The following GNAQ variants were observed in gnomAD, a reference collection of about 807,000 sequenced individuals.
GNAQ encodes the protein G protein subunit alpha q.
GNAQ carries 8 observed loss-of-function variants against 43.9 expected under a neutral mutation model. The ratio of observed to expected loss-of-function variants is 0.18; its 90% CI spans 0.11 to 0.33. The LOEUF is 0.33. Ranked by LOEUF, GNAQ falls within the 10% of genes least tolerant of loss-of-function variation. The pLI is 1.00. For synonymous variants in GNAQ, 155 were observed against 170.7 expected (o/e 0.91, Z 0.71); for missense variants, 158 against 450.8 (o/e 0.35, Z 5.88).
At chr9:77,885,985 C>CA (rs1235331552) in intron 2 of GNAQ, among the ~76,000 whole-genome samples, 5 of 68,180 alleles carry the variant, frequency 7.3e-5, no homozygotes, top group Non-Finnish European at 1.5e-4. Context: ...AAGGCAGGAC[C>CA]TTTTTTTTGA....
intron 1 of GNAQ, among the ~76,000 whole-genome samples, chr9:78,019,004 G>A (rs1823872442): frequency 1.3e-5 from 2 of 152,084 alleles, no homozygotes; most frequent in Non-Finnish European, 2.9e-5. Flanking sequence ...GCATGGCCTA[G>A]AGTAGAAAGC....
chr9:77,907,173 G>A (rs1828723261), intron 2 of GNAQ, among the ~76,000 whole-genome samples: 1 of 152,126 alleles, frequency 6.6e-6, no homozygotes, highest in Non-Finnish European at 1.5e-5. Flanking sequence ...TGCTGCATAA[G>A]CTTTCCAATC....
intron 3 of GNAQ, among the ~76,000 whole-genome samples, chr9:77,801,162 A>G (rs1826737906): frequency 6.6e-6 from 1 of 152,188 alleles, no homozygotes; most frequent in Non-Finnish European, 1.5e-5. Context: ...TTAAAGAACC[A>G]GCACATGAAG....
chr9:77,806,353 C>G (rs1826829372), intron 3 of GNAQ, among the ~76,000 whole-genome samples: 1 of 152,220 alleles, frequency 6.6e-6, no homozygotes, highest in Non-Finnish European at 1.5e-5. Flanking sequence ...AGTTAATTTA[C>G]ACATATTTAT....
Position 77,988,233 on chromosome 9 carries a change from CAG to C in GNAQ, c.136+42865_136+42866del, listed in dbSNP as rs1207891727. 6.6e-5 allele frequency among the ~76,000 whole-genome samples: 10 copies of C among 152,330 alleles called. No individual in the cohort carries two copies. The East Asian group carries it at 1.9e-3, about 29-fold the overall frequency. On this transcript the variant is annotated intron_variant, in intron 1 of 6. Coordinates refer to ENST00000286548, the MANE Select transcript of GNAQ (RefSeq NM_002072.5). ...GCCCTCTAACATTTTAGCTTCAGCT[CAG>C]AGAGATAGAAGGTTCTCCACAGAGG...
chr9:78,019,637 T>C (rs1000151747), intron 1 of GNAQ, among the ~76,000 whole-genome samples: 5 of 152,152 alleles, frequency 3.3e-5, no homozygotes, highest in African/African-American at 4.8e-5. Context: ...TTTAGGAACC[T>C]TTAGGCCAGG....
At chr9:77,893,729 A>G (rs1221812722) in intron 2 of GNAQ, among the ~76,000 whole-genome samples, 1 of 152,182 alleles carries the variant, frequency 6.6e-6, no homozygotes, top group African/African-American at 2.4e-5. Context: ...AAACAGATGA[A>G]CTAGTAGGTC....
intron 2 of GNAQ, among the ~76,000 whole-genome samples, chr9:77,871,965 T>C (rs1294888970): frequency 1.3e-5 from 2 of 152,208 alleles, no homozygotes; most frequent in Non-Finnish European, 2.9e-5. Flanking sequence ...CCTAAATTAT[T>C]ATCTCATGTA....
At chr9:77,946,462 C>G (rs1822900990) in intron 1 of GNAQ, among the ~76,000 whole-genome samples, 1 of 151,990 alleles carries the variant, frequency 6.6e-6, no homozygotes, top group Admixed American at 6.6e-5. Context: ...CCAAAAACAC[C>G]CAGGCAAAGG....
chr9:77,761,044 C>T (rs1401291166), intron 5 of GNAQ, among the ~76,000 whole-genome samples: 9 of 149,470 alleles, frequency 6.0e-5, no homozygotes, highest in South Asian at 2.1e-4. Flanking sequence ...GGAGCCCCTC[C>T]GCCCGGCAGC....
At position 77,888,544 on chromosome 9, in the gene GNAQ, C is replaced by T. The variant is rs570942779; in HGVS notation, c.321+33617G>A. 2.6e-5 allele frequency among the ~76,000 whole-genome samples: 4 copies of T among 152,250 alleles called. No homozygotes were observed. The South Asian group carries it at 8.3e-4, about 32-fold the overall frequency. On this transcript the variant is annotated intron_variant, in intron 2 of 6. Coordinates refer to ENST00000286548, the MANE Select transcript of GNAQ (RefSeq NM_002072.5). The stretch of plus-strand genomic sequence containing the variant: ...TATTTAAAATGTCTACTCATTGTCG[C>T]AATCCCCTAATGCCTCAGGACAAGA...
At chr9:77,911,239 T>C (rs115795698) in intron 2 of GNAQ, among the ~76,000 whole-genome samples, 99 of 152,320 alleles carry the variant, frequency 6.5e-4, no homozygotes, top group African/African-American at 2.4e-3. Flanking sequence ...GGGAACATTA[T>C]GCAAAGACAG....
At chr9:77,858,167 G>A (rs1827790439) in intron 2 of GNAQ, among the ~76,000 whole-genome samples, 1 of 152,194 alleles carries the variant, frequency 6.6e-6, no homozygotes, top group South Asian at 2.1e-4. Context: ...CAGGGCAGGA[G>A]ATGGTTTTCA....
intron 5 of GNAQ, among the ~76,000 whole-genome samples, chr9:77,753,575 C>T (rs1188199096): frequency 7.2e-5 from 11 of 152,274 alleles, no homozygotes; most frequent in Non-Finnish European, 1.6e-4. Flanking sequence ...AAATTAGGCC[C>T]ATAAACATAT....
At chr9:77,936,438 T>C (rs1829233094) in intron 1 of GNAQ, among the ~76,000 whole-genome samples, 1 of 152,092 alleles carries the variant, frequency 6.6e-6, no homozygotes, top group Non-Finnish European at 1.5e-5. Flanking sequence ...GTTTTAGTCT[T>C]TAAAAAAACG....
chr9:77,939,397 C>T (rs1829282621), intron 1 of GNAQ, among the ~76,000 whole-genome samples: 2 of 152,174 alleles, frequency 1.3e-5, no homozygotes, highest in African/African-American at 4.8e-5. Context: ...TCAAACCTCA[C>T]TAGGAATATT....
chr9:77,926,753 A>G (rs1453184411), intron 1 of GNAQ, among the ~76,000 whole-genome samples: 2 of 152,172 alleles, frequency 1.3e-5, no homozygotes, highest in African/African-American at 4.8e-5. Flanking sequence ...ATATCCCCAT[A>G]AAAGTTATTT....
intron 2 of GNAQ, among the ~76,000 whole-genome samples, chr9:77,917,860 A>G (rs1828936375): frequency 1.3e-5 from 2 of 152,212 alleles, no homozygotes; most frequent in African/African-American, 4.8e-5. Context: ...CAAAAAGTAC[A>G]AGAACAGGAC....
intron 5 of GNAQ, among the ~76,000 whole-genome samples, chr9:77,776,917 A>T (rs533942042): frequency 4.1e-4 from 63 of 151,930 alleles, no homozygotes; most frequent in South Asian, 6.2e-4. Context: ...TTTATGTGGA[A>T]ATGTAAAGGA....
Sources: allele counts gnomAD v4.1 joint callset (sites outside exome capture counted in the v4.1 genomes callset), GRCh38; gene constraint gnomAD v4.1.1; transcripts MANE v1.5; gene names NCBI Gene and HGNC (gene_info 2026-07-23, HGNC 2026-07-21).